The following CCND3 variants were observed in gnomAD, a reference collection of about 807,000 sequenced individuals.
CCND3 encodes cyclin D3.
A neutral mutation model predicts 28.7 loss-of-function variants in CCND3; 9 were observed. The observed-to-expected ratio is 0.31, with a 90% CI of 0.19 to 0.55. The LOEUF (loss-of-function observed/expected upper bound fraction) is 0.55, where lower values mean the gene tolerates loss of function less well. Among genes scored for constraint, CCND3 ranks in the 20% least tolerant of loss-of-function variants. The pLI is 0.93. For synonymous variants in CCND3, 164 were observed against 163.9 expected, an observed-to-expected ratio of 1.00 and a Z score of 0.00; for missense variants, 315 against 385.8, an observed-to-expected ratio of 0.82 and a Z score of 1.54.
At chr6:42,026,813 C>T in intron 1 of CCND3, among the ~76,000 whole-genome samples, 1 of 152,202 alleles carries the variant, frequency 6.6e-6, no homozygotes, top group East Asian at 1.9e-4. Flanking sequence ...TTTCCTCCCT[C>T]CCCACTGGCT....
At chr6:42,028,848 T>A (rs999182048) in intron 1 of CCND3, among the ~76,000 whole-genome samples, 8 of 152,252 alleles carry the variant, frequency 5.3e-5, no homozygotes, top group Non-Finnish European at 1.2e-4. Context: ...AAGTGTTCAA[T>A]ACACGTTCGT....
At chr6:41,971,178 AAAGTGTT>A (rs1283075276) in intron 1 of CCND3, among the ~76,000 whole-genome samples, 1 of 152,162 alleles carries the variant, frequency 6.6e-6, no homozygotes, top group African/African-American at 2.4e-5. Context: ...TCGGCATCCC[AAAGTGTT>A]GGGATTACAG....
rs1354260316 is a variant in CCND3 at position 42,044,773 on chromosome 6, C to CT, written c.-46+3727dup. Among the ~76,000 whole-genome samples the CT allele has an allele frequency of 3.9e-4, 37 of 94,904 alleles. No homozygotes were observed. The East Asian group carries it at 5.7e-3, about 15-fold the overall frequency. 62.3% of individuals were successfully genotyped at this position (94,904 alleles called of 152,430 possible). ...AACTTGGCTATCTTTTCTTTCTTTT[C>CT]TTTCTTTCCTTTTATTTATTTATTT... On this transcript the variant is annotated intron_variant, in intron 1 of 4. Transcript: ENST00000372988.
chr6:41,945,625 A>G (rs543867564), upstream of CCND3, among the ~76,000 whole-genome samples: 1 of 152,298 alleles, frequency 6.6e-6, no homozygotes, highest in African/African-American at 2.4e-5. Flanking sequence ...ACCCATTGAG[A>G]TGCTGGGGAG....
rs1775833432 is a variant in CCND3, at chr6:41,937,260, C to G, written c.549G>C (p.Gln183His). ...CTGTAGCACAGAGGGCCAAAAAGGT[C>G]TGGGCATGCTTTTTGACCAAGGCCT... is the stretch of plus-strand genomic sequence containing the variant. The part of the protein sequence containing the change: ...DRQALVKKHA[Q>H]TFLALCATDY... Residue 183 changes from glutamine to histidine, a missense_variant, in exon 3 of 5, where the codon CAG (glutamine) becomes CAC (histidine). Coordinates refer to ENST00000372991, the MANE Select transcript of CCND3 (RefSeq NM_001760.5). The G allele has an allele frequency of 6.2e-7, 1 of 1,614,038 alleles. No homozygotes were observed. Among genetic ancestry groups the G allele is most frequent in the Admixed American group, 1.7e-5 (1 of 60,002 alleles).
intron 1 of CCND3, among the ~76,000 whole-genome samples, chr6:41,987,475 TTTTCTCTC>T (rs1225029907): frequency 0.064 from 6,795 of 106,700 alleles, 264 homozygotes; most frequent in Non-Finnish European, 0.088. Context: ...TGGACCAGGC[TTTTCTCTC>T]TCTCTCTCTC....
chr6:42,039,730 C>T (rs12661131), intron 1 of CCND3, among the ~76,000 whole-genome samples: 12,417 of 152,264 alleles, frequency 0.082, 759 homozygotes, highest in East Asian at 0.23. Flanking sequence ...AGGGCCCAGC[C>T]CCACCTAGCA....
intron 1 of CCND3, among the ~76,000 whole-genome samples, chr6:41,976,480 C>T (rs1762191431): frequency 6.6e-6 from 1 of 151,644 alleles, no homozygotes. Flanking sequence ...AGCGAGACCA[C>T]CATCTCCATG....
intron 1 of CCND3, among the ~76,000 whole-genome samples, chr6:42,037,685 T>C (rs1436484343): frequency 2.0e-5 from 3 of 152,160 alleles, no homozygotes; most frequent in East Asian, 1.9e-4. Flanking sequence ...GCTTATATTA[T>C]TTATTCCAGG....
At chr6:41,947,777 G>A (rs1561956460) in intron 1 of CCND3, among the ~76,000 whole-genome samples, 2 of 151,814 alleles carry the variant, frequency 1.3e-5, no homozygotes, top group Non-Finnish European at 2.9e-5. Context: ...CTACCCCCCG[G>A]TCCGAGTTGC....
In CCND3 at chr6:41,936,009, G is replaced by A. The variant is rs2127389471; in HGVS notation, c.810C>T (p.Pro270=). 3.1e-6 allele frequency: 5 copies of A among 1,613,342 alleles called. No individual in the cohort carries two copies. The highest frequency in any genetic ancestry group is 3.4e-6 in the Non-Finnish European group (4 of 1,179,612). The change falls in exon 5 of 5, where the codon CCC becomes CCT. Residue 270 remains proline, a synonymous_variant. Transcript: ENST00000372991. The surrounding 1 kb of genome is among the most constrained non-coding windows in gnomAD (Gnocchi z 4.4). ...TGGGCCCTTGGCTGCTGGAGCCCCG[G>A]GGGGCTTTGGGCGCTGGGCTGGAGC... ...QTSSSPAPKA[P]RGSSSQGPSQ...
chr6:42,035,875 A>G (rs552695958), intron 1 of CCND3, among the ~76,000 whole-genome samples: 2 of 151,564 alleles, frequency 1.3e-5, no homozygotes, highest in South Asian at 4.2e-4. Context: ...ACGGGGTTTC[A>G]CCATTTTGGC....
At chr6:41,948,821 G>A (rs1776233533) in intron 1 of CCND3, among the ~76,000 whole-genome samples, 2 of 150,262 alleles carry the variant, frequency 1.3e-5, no homozygotes, top group Admixed American at 1.3e-4. Context: ...ACTCCAGCCT[G>A]GACTACAGAA....
chr6:41,949,625 C>T (rs536501145), intron 1 of CCND3, among the ~76,000 whole-genome samples: 39 of 151,694 alleles, frequency 2.6e-4, no homozygotes, highest in African/African-American at 9.2e-4. Context: ...CCTAAAATAT[C>T]TATATTACTT....
At chr6:41,962,824 T>C (rs1217796395) in intron 1 of CCND3, among the ~76,000 whole-genome samples, 2 of 152,174 alleles carry the variant, frequency 1.3e-5, no homozygotes, top group Non-Finnish European at 2.9e-5. Context: ...AATCTTGGCT[T>C]ACCACAACCT....
intron 1 of CCND3, among the ~76,000 whole-genome samples, chr6:41,954,250 T>TTAAAAAAAAAAAAAAAAAAA (rs1776383417): frequency 5.7e-5 from 2 of 35,154 alleles, no homozygotes; most frequent in African/African-American, 2.6e-4. Flanking sequence ...GATTCTGCCT[T>TTAAAAAAAAAAAAAAAAAAA]AAAAAAAAAA....
chr6:41,962,477 C>T (rs1489597130), intron 1 of CCND3, among the ~76,000 whole-genome samples: 1 of 152,144 alleles, frequency 6.6e-6, no homozygotes, highest in East Asian at 1.9e-4. Context: ...CCAGACTAGG[C>T]ACAGTGGCTT....
At chr6:42,047,179 T>C (rs1764568930) in intron 1 of CCND3, among the ~76,000 whole-genome samples, 1 of 152,218 alleles carries the variant, frequency 6.6e-6, no homozygotes, top group Admixed American at 6.5e-5. Context: ...ATGGAGGTCA[T>C]GATCTCAATA....
chr6:41,947,212 C>T (rs1300691876), intron 1 of CCND3, among the ~76,000 whole-genome samples: 3 of 150,848 alleles, frequency 2.0e-5, no homozygotes, highest in Non-Finnish European at 4.4e-5. Context: ...CAGAGCAAGA[C>T]TCCGTCTCAA....
Sources: gnomAD v4.1 joint callset for allele counts (sites outside exome capture counted in the v4.1 genomes callset) on GRCh38, gnomAD v4.1.1 for gene constraint, Gnocchi (gnomAD v3.1) non-coding constraint, MANE v1.5 for transcripts, NCBI Gene and HGNC (gene_info 2026-07-23, HGNC 2026-07-21) for gene names.